The following RERE variants were observed in gnomAD, a reference collection of about 807,000 sequenced individuals.
RERE encodes arginine-glutamic acid dipeptide repeats protein.
A neutral mutation model predicts 146.1 loss-of-function variants in RERE; 40 were observed. The observed-to-expected ratio is 0.27, with a 90% confidence interval of 0.21 to 0.36. The LOEUF is 0.36. Ranked by LOEUF, RERE falls within the 10% of genes least tolerant of loss-of-function variation. The pLI is 1.00. For synonymous variants in RERE, 1,003 were observed against 866.0 expected (o/e 1.16, Z -2.78); for missense variants, 1,933 against 2,138.7 (o/e 0.90, Z 1.90).
chr1:8,716,299 CAAAAAAA>C (rs34590852), intron 1 of RERE, among the ~76,000 whole-genome samples: 4 of 109,590 alleles, frequency 3.6e-5, no homozygotes, highest in African/African-American at 6.9e-5. Flanking sequence ...CTCATCTCTA[CAAAAAAA>C]AAAAAAAAAA....
intron 7 of RERE, among the ~76,000 whole-genome samples, chr1:8,525,367 C>T (rs1178091175): frequency 1.3e-5 from 2 of 152,212 alleles, no homozygotes; most frequent in African/African-American, 2.4e-5. Context: ...AGCTGCTCTG[C>T]GGCCCAGGCA....
At chr1:8,588,248 T>C (rs1029049915) in intron 4 of RERE, among the ~76,000 whole-genome samples, 2 of 152,188 alleles carry the variant, frequency 1.3e-5, no homozygotes, top group Non-Finnish European at 2.9e-5. Flanking sequence ...ATTAACACAA[T>C]GGGGAAATTT....
chr1:8,421,807 G>A (rs1194339457), intron 12 of RERE, among the ~76,000 whole-genome samples: 2 of 152,140 alleles, frequency 1.3e-5, no homozygotes, highest in African/African-American at 2.4e-5. Context: ...TAAAAAAGCA[G>A]CTCAATGTCT....
intron 12 of RERE, among the ~76,000 whole-genome samples, chr1:8,383,200 T>A (rs547105559): frequency 6.6e-6 from 1 of 151,844 alleles, no homozygotes; most frequent in African/African-American, 2.4e-5. Flanking sequence ...GAGAAGAGTA[T>A]TCTGTCTGAA....
At chr1:8,539,688 C>T (rs1645774786) in intron 7 of RERE, among the ~76,000 whole-genome samples, 9 of 152,208 alleles carry the variant, frequency 5.9e-5, no homozygotes, top group Non-Finnish European at 2.9e-5. Flanking sequence ...CAGGCGTGAC[C>T]CACCTACACC....
At position 8,805,001 on chromosome 1, in the gene RERE, G is replaced by T. The variant is rs373955827; in HGVS notation, c.-145+12159C>A. ...CAAATGATTTTTTTTGTTTTGTTTTGTTTTTGGTTTTTTTTTTTTTTTTTT... is the reference window on the plus strand; with the variant it reads ...CAAATGATTTTTTTTGTTTTGTTTTTTTTTTGGTTTTTTTTTTTTTTTTTT... On this transcript the variant is annotated intron_variant, in intron 1 of 22. Transcript: ENST00000400908. Among the ~76,000 whole-genome samples, 344 of 102,592 alleles carry T rather than the reference G, an allele frequency of 3.4e-3. 4 individuals carry two copies. Among genetic ancestry groups the T allele is most frequent in the East Asian group, 0.012 (34 of 2,926 alleles). The allele number at this position is 102,592 out of a possible 152,430, so 67.3% of individuals were successfully genotyped here.
chr1:8,480,380 C>T (rs1243313174), intron 10 of RERE, among the ~76,000 whole-genome samples: 1 of 149,716 alleles, frequency 6.7e-6, no homozygotes, highest in Non-Finnish European at 1.5e-5. Context: ...TGTCGTGATC[C>T]GCCCGCCTTG....
intron 12 of RERE, among the ~76,000 whole-genome samples, chr1:8,413,456 C>T (rs1643669216): frequency 1.3e-5 from 2 of 152,260 alleles, no homozygotes; most frequent in South Asian, 4.1e-4. Flanking sequence ...GATCCTCCCA[C>T]CTCAGCCTCC....
chr1:8,637,175 C>T (rs2124271123), intron 2 of RERE, among the ~76,000 whole-genome samples: 1 of 152,196 alleles, frequency 6.6e-6, no homozygotes, highest in Admixed American at 6.5e-5. Context: ...TTACCTTCTC[C>T]TAGGATTATG....
At chr1:8,816,911 G>C (rs1004966784) in intron 1 of RERE, among the ~76,000 whole-genome samples, 1 of 152,150 alleles carries the variant, frequency 6.6e-6, no homozygotes, top group Non-Finnish European at 1.5e-5. Flanking sequence ...AGTAGAACAA[G>C]AGCATGAATA....
intron 1 of RERE, among the ~76,000 whole-genome samples, chr1:8,757,437 C>T (rs1395939306): frequency 6.6e-6 from 1 of 152,176 alleles, no homozygotes; most frequent in Admixed American, 6.5e-5. Flanking sequence ...TTCTCTACTG[C>T]ATCACTAATG....
At position 8,656,272 on chromosome 1, in the gene RERE, T is replaced by C. The variant is rs1399779628; in HGVS notation, c.26A>G (p.Lys9Arg). 1.2e-6 allele frequency: 2 copies of C among 1,613,146 alleles called. No homozygotes were observed. Among genetic ancestry groups the C allele is most frequent in the Non-Finnish European group, 1.7e-6 (2 of 1,179,540 alleles). Reference protein sequence around the residue: MTADKDKDKDKEKDRDRDR... With the variant: MTADKDKDRDKEKDRDRDR... ...TCGGTCCCGGTCCTTCTCTTTGTCT[T>C]TGTCTTTGTCTTTGTCCGCTGTCAT... Residue 9 changes from lysine to arginine, a missense_variant, in exon 2 of 23, where the codon AAA (lysine) becomes AGA (arginine). Physicochemically the swap from Lys to Arg is conservative, Grantham distance 26. Transcript: ENST00000400908.
chr1:8,654,110 GC>G (rs1252906218), intron 2 of RERE, among the ~76,000 whole-genome samples: 1 of 151,890 alleles, frequency 6.6e-6, no homozygotes, highest in Non-Finnish European at 1.5e-5. Flanking sequence ...TGTGAACGGG[GC>G]TTACTGCAGC....
intron 10 of RERE, among the ~76,000 whole-genome samples, chr1:8,481,402 C>G (rs1486446089): frequency 2.0e-5 from 3 of 152,320 alleles, no homozygotes; most frequent in Non-Finnish European, 2.9e-5. Flanking sequence ...GCGTGACCCA[C>G]CGCACCCGGC....
chr1:8,659,492 GGTT>G (rs1638406594), intron 1 of RERE, among the ~76,000 whole-genome samples: 1 of 152,258 alleles, frequency 6.6e-6, no homozygotes, highest in Admixed American at 6.5e-5. Context: ...AGGAAGCGGA[GGTT>G]GCAATGAGCC....
rs528151591 is a variant in RERE at position 8,724,366 on chromosome 1, G to T, written c.-144-67925C>A. Among the ~76,000 whole-genome samples, 7 of 152,130 alleles carry T rather than the reference G, an allele frequency of 4.6e-5. No homozygotes were observed. The South Asian group carries it at 1.5e-3, about 32-fold the overall frequency. On this transcript the variant is annotated intron_variant, in intron 1 of 22. Coordinates refer to ENST00000400908, the MANE Select transcript of RERE (RefSeq NM_001042681.2). ...TTTCAAGATACAGAGAGACTCTGCCGATTTACATTCAAATAAAACAAAACG... is the reference window on the plus strand; with the variant it reads ...TTTCAAGATACAGAGAGACTCTGCCTATTTACATTCAAATAAAACAAAACG...
intron 2 of RERE, among the ~76,000 whole-genome samples, chr1:8,627,688 T>C (rs144383460): frequency 5.3e-4 from 81 of 152,214 alleles, no homozygotes; most frequent in African/African-American, 1.9e-3. Flanking sequence ...AAGCTTTATT[T>C]ATATATACTT....
chr1:8,461,755 G>A (rs1300501097), intron 11 of RERE, among the ~76,000 whole-genome samples: 3 of 152,186 alleles, frequency 2.0e-5, no homozygotes, highest in African/African-American at 7.2e-5. Context: ...AAGAGGTCAG[G>A]TGATAGGAGG....
chr1:8,627,381 G>A (rs979363656), intron 2 of RERE, among the ~76,000 whole-genome samples: 4 of 151,978 alleles, frequency 2.6e-5, no homozygotes, highest in African/African-American at 4.8e-5. Flanking sequence ...AAGTCAGGTG[G>A]ATCACCTGAG....
Sources: gnomAD v4.1 joint callset for allele counts (sites outside exome capture counted in the v4.1 genomes callset) on GRCh38, gnomAD v4.1.1 for gene constraint, MANE v1.5 for transcripts, NCBI Gene and HGNC (gene_info 2026-07-23, HGNC 2026-07-21) for gene names.